GPC6: variants seen among roughly 807,000 people sequenced by gnomAD.
GPC6 encodes the protein glypican-6.
GPC6 carries 14 observed loss-of-function variants against 55.2 expected under a neutral mutation model. The observed-to-expected ratio is 0.25, with a 90% CI of 0.17 to 0.40. The LOEUF is 0.40. Among genes scored for constraint, GPC6 ranks in the 10% least tolerant of loss-of-function variants. GPC6 has a pLI of 1.00. For missense variants in GPC6, 641 were observed against 708.5 expected, an observed-to-expected ratio of 0.90 and a Z score of 1.08; for synonymous variants, 278 against 259.6, an observed-to-expected ratio of 1.07 and a Z score of -0.68.
chr13:94,287,489 TA>T (rs1892563363), intron 5 of GPC6, among the ~76,000 whole-genome samples: 1 of 152,168 alleles, frequency 6.6e-6, no homozygotes, highest in African/African-American at 2.4e-5. Flanking sequence ...TCTCCTTGGC[TA>T]AGCATGATTC....
intron 4 of GPC6, among the ~76,000 whole-genome samples, chr13:94,091,908 T>TTTTGTG (rs1885495237): frequency 6.7e-6 from 1 of 148,392 alleles, no homozygotes; most frequent in Non-Finnish European, 1.5e-5. Flanking sequence ...GTGTGTGTGT[T>TTTTGTG]TGTGTGTGTG....
At chr13:93,574,841 G>A (rs949315944) in intron 2 of GPC6, among the ~76,000 whole-genome samples, 1 of 152,068 alleles carries the variant, frequency 6.6e-6, no homozygotes, top group Non-Finnish European at 1.5e-5. Flanking sequence ...TTTTTATTTG[G>A]TTTATTGAAA....
At chr13:94,115,959 G>T (rs1466935847) in intron 4 of GPC6, among the ~76,000 whole-genome samples, 1 of 151,968 alleles carries the variant, frequency 6.6e-6, no homozygotes, top group Non-Finnish European at 1.5e-5. Flanking sequence ...TTAATGAGGG[G>T]CCTGTATTGC....
intron 1 of GPC6, among the ~76,000 whole-genome samples, chr13:93,492,018 C>T (rs1308545416): frequency 2.9e-5 from 4 of 139,324 alleles, no homozygotes; most frequent in African/African-American, 5.5e-5. Flanking sequence ...TTTTTTGGTT[C>T]CATATGAACT....
Position 93,925,128 on chromosome 13 carries a change from C to T in GPC6, c.711+94583C>T, listed in dbSNP as rs185386298. ...GTCTCATTTTAACCCTCCCAACAAACACATAAGTTAGGCATCATTACCCAC... is the reference window on the plus strand; with the variant it reads ...GTCTCATTTTAACCCTCCCAACAAATACATAAGTTAGGCATCATTACCCAC... On this transcript the variant is annotated intron_variant, in intron 3 of 8. Transcript: ENST00000377047. 1.1e-3 allele frequency among the ~76,000 whole-genome samples: 166 copies of T among 152,286 alleles called. 2 individuals carry two copies. Among genetic ancestry groups the T allele is most frequent in the South Asian group, 6.6e-3 (32 of 4,818 alleles).
intron 1 of GPC6, among the ~76,000 whole-genome samples, chr13:93,232,357 G>T (rs1055200232): frequency 1.4e-4 from 21 of 152,088 alleles, no homozygotes; most frequent in Non-Finnish European, 2.5e-4. Context: ...TTTTTGTAAT[G>T]ATTCTACAAG....
At chr13:93,500,692 T>A (rs1880488744) in intron 1 of GPC6, among the ~76,000 whole-genome samples, 1 of 152,190 alleles carries the variant, frequency 6.6e-6, no homozygotes, top group African/African-American at 2.4e-5. Flanking sequence ...CAGTTTTCCA[T>A]AACGAAAATC....
At chr13:93,877,550 T>C (rs1874662126) in intron 3 of GPC6, among the ~76,000 whole-genome samples, 4 of 152,238 alleles carry the variant, frequency 2.6e-5, no homozygotes, top group Middle Eastern at 3.4e-3. Context: ...TACACAGATA[T>C]TATATTGTCT....
intron 7 of GPC6, among the ~76,000 whole-genome samples, chr13:94,390,681 A>T (rs925891101): frequency 6.6e-6 from 1 of 152,152 alleles, no homozygotes; most frequent in Non-Finnish European, 1.5e-5. Context: ...AACATTGGAG[A>T]TTAAAATTTG....
At chr13:94,325,505 T>C (rs182294482) in intron 6 of GPC6, among the ~76,000 whole-genome samples, 1 of 152,368 alleles carries the variant, frequency 6.6e-6, no homozygotes, top group Non-Finnish European at 1.5e-5. Context: ...TTATAAGCGC[T>C]TCCTATATAC....
intron 6 of GPC6, among the ~76,000 whole-genome samples, chr13:94,355,066 C>T (rs1878727685): frequency 6.6e-6 from 1 of 151,208 alleles, no homozygotes; most frequent in Admixed American, 6.6e-5. Flanking sequence ...TCTTGTTGCC[C>T]AGGCTGGAGT....
At chr13:94,073,003 A>G (rs952477611) in intron 4 of GPC6, among the ~76,000 whole-genome samples, 1 of 152,186 alleles carries the variant, frequency 6.6e-6, no homozygotes, top group Non-Finnish European at 1.5e-5. Context: ...ACTGGGCCCC[A>G]TTCAAGAAAT....
intron 2 of GPC6, among the ~76,000 whole-genome samples, chr13:93,679,112 A>G (rs1213547083): frequency 6.6e-6 from 1 of 152,134 alleles, no homozygotes; most frequent in African/African-American, 2.4e-5. Context: ...TTCTGAACCT[A>G]GTGTTTTATG....
chr13:94,010,103 G>A (rs1210533239), intron 3 of GPC6, among the ~76,000 whole-genome samples: 4 of 152,100 alleles, frequency 2.6e-5, no homozygotes, highest in East Asian at 1.9e-4. Context: ...AATAATCGAT[G>A]CTTATTATGA....
chr13:93,549,769 A>G lies in GPC6; in HGVS notation c.319+4348A>G, dbSNP rs76402675. Among the ~76,000 whole-genome samples the G allele has an allele frequency of 1.9e-3, 284 of 152,088 alleles. 1 individual carries two copies. Among genetic ancestry groups the G allele is most frequent in the African/African-American group, 6.6e-3 (272 of 41,492 alleles). ...AGTGGAAGATTTGTTTTTAACTCCT[A>G]CAAAAAAAAAAATTACCCACCTAAA... On this transcript the variant is annotated intron_variant, in intron 2 of 8. Coordinates refer to ENST00000377047, the MANE Select transcript of GPC6 (RefSeq NM_005708.5).
At chr13:93,722,205 T>G (rs2138824424) in intron 2 of GPC6, among the ~76,000 whole-genome samples, 1 of 151,912 alleles carries the variant, frequency 6.6e-6, no homozygotes, top group African/African-American at 2.4e-5. Flanking sequence ...TAACCTTTCA[T>G]TAATCATGCC....
intron 3 of GPC6, among the ~76,000 whole-genome samples, chr13:93,879,677 C>T (rs1001354423): frequency 2.0e-5 from 3 of 151,184 alleles, no homozygotes; most frequent in African/African-American, 2.4e-5. Context: ...GTCTAAAACA[C>T]CAAAAGCAAT....
At chr13:94,380,229 C>A (rs1281910753) in intron 6 of GPC6, among the ~76,000 whole-genome samples, 1 of 152,112 alleles carries the variant, frequency 6.6e-6, no homozygotes, top group Non-Finnish European at 1.5e-5. Flanking sequence ...ATAAACCTGA[C>A]AGTATTTCAG....
chr13:93,780,275 CA>C (rs200245666), intron 2 of GPC6, among the ~76,000 whole-genome samples: 1 of 147,096 alleles, frequency 6.8e-6, no homozygotes, highest in Non-Finnish European at 1.5e-5. Context: ...AATTTAAAAG[CA>C]AAAAAAAACA....
Sources: allele counts gnomAD v4.1 joint callset (sites outside exome capture counted in the v4.1 genomes callset), GRCh38; gene constraint gnomAD v4.1.1; transcripts MANE v1.5; gene names NCBI Gene and HGNC (gene_info 2026-07-23, HGNC 2026-07-21).